Variants in SOX5 observed in about 807,000 individuals in gnomAD.
SOX5 encodes the protein transcription factor SOX-5.
SOX5 carries 9 observed loss-of-function variants against 92.0 expected under a neutral mutation model. That is an observed-to-expected ratio of 0.10 (90% CI 0.06 to 0.17). The LOEUF is 0.17. Among genes scored for constraint, SOX5 ranks in the 10% least tolerant of loss-of-function variants. SOX5 has a pLI of 1.00. For synonymous variants in SOX5, 344 were observed against 336.3 expected (o/e 1.02, Z -0.25); for missense variants, 642 against 944.5 (o/e 0.68, Z 4.20).
chr12:24,291,057 T>C (rs1369049588), intron 2 of SOX5, among the ~76,000 whole-genome samples: 1 of 152,236 alleles, frequency 6.6e-6, no homozygotes, highest in Admixed American at 6.5e-5. Context: ...CAATAGGCAG[T>C]ACTCAGTATT....
intron 1 of SOX5, among the ~76,000 whole-genome samples, chr12:24,408,129 G>T (rs1330868277): frequency 6.6e-6 from 1 of 152,126 alleles, no homozygotes; most frequent in Non-Finnish European, 1.5e-5. Context: ...TGCTAAGCGT[G>T]TCCAGGAACA....
chr12:24,325,253 C>T (rs936429936), intron 2 of SOX5, among the ~76,000 whole-genome samples: 5 of 152,022 alleles, frequency 3.3e-5, no homozygotes, highest in Admixed American at 2.0e-4. Context: ...AGTAGGCTTT[C>T]AGTTGGGCTG....
chr12:23,830,486 G>A (rs2096297860), intron 3 of SOX5, among the ~76,000 whole-genome samples: 2 of 152,264 alleles, frequency 1.3e-5, no homozygotes, highest in South Asian at 4.1e-4. Context: ...ACCCTTGTTT[G>A]TCCTTCAGTG....
chr12:24,025,818 T>C (rs1592450023), intron 4 of SOX5, among the ~76,000 whole-genome samples: 1 of 152,108 alleles, frequency 6.6e-6, no homozygotes, highest in East Asian at 1.9e-4. Flanking sequence ...GACCATCCAA[T>C]GTTCCTCTGA....
rs1185346134 is a variant in SOX5 at position 24,393,167 on chromosome 12, GC to G, written c.-250-24529del. The stretch of plus-strand genomic sequence containing the variant: ...AAAAATACAGCAAAATTAGAAGCTG[GC>G]AAAAAAACAAACCCACTGCCTGGGG... On this transcript the variant is annotated intron_variant, in intron 1 of 4. Coordinates refer to the SOX5 transcript ENST00000446891. This position sits in a 1 kb window ranked among gnomAD's most constrained non-coding sequence, Gnocchi z 5.0. Among the ~76,000 whole-genome samples the G allele has an allele frequency of 5.5e-5, 7 of 126,332 alleles. No homozygotes were observed. The highest frequency in any genetic ancestry group is 2.7e-4 in the African/African-American group (7 of 26,394). The allele number at this position is 126,332 out of a possible 152,430, so 82.9% of individuals were successfully genotyped here.
intron 4 of SOX5, among the ~76,000 whole-genome samples, chr12:24,118,757 A>C (rs147147576): frequency 1.3e-5 from 2 of 152,278 alleles, no homozygotes; most frequent in Middle Eastern, 3.4e-3. Context: ...TTACTGTGTC[A>C]AGAAGAATAA....
chr12:24,112,993 A>G (rs923970033), intron 4 of SOX5, among the ~76,000 whole-genome samples: 1 of 151,944 alleles, frequency 6.6e-6, no homozygotes, highest in Non-Finnish European at 1.5e-5. Flanking sequence ...CTGGTTCCCA[A>G]CCATATCAGA....
chr12:23,946,995 A>G (rs1944695857), intron 1 of SOX5, among the ~76,000 whole-genome samples: 1 of 151,948 alleles, frequency 6.6e-6, no homozygotes, highest in African/African-American at 2.4e-5. Flanking sequence ...ATTTCTAGGG[A>G]TGATAATATA....
intron 3 of SOX5, among the ~76,000 whole-genome samples, chr12:23,832,299 G>A (rs2096339779): frequency 6.6e-6 from 1 of 151,890 alleles, no homozygotes; most frequent in Non-Finnish European, 1.5e-5. Flanking sequence ...TTTATTTGGG[G>A]AAATGTATAT....
At chr12:24,285,161 A>C (rs1415028044) in intron 2 of SOX5, among the ~76,000 whole-genome samples, 1 of 152,220 alleles carries the variant, frequency 6.6e-6, no homozygotes, top group East Asian at 1.9e-4. Flanking sequence ...AAAAATAATC[A>C]GAGTGGCTTC....
intron 11 of SOX5, among the ~76,000 whole-genome samples, chr12:23,554,785 T>C (rs1944827011): frequency 6.6e-6 from 1 of 152,194 alleles, no homozygotes; most frequent in Non-Finnish European, 1.5e-5. Context: ...CCTATTTTCC[T>C]AATAATAGTT....
chr12:23,805,446 T>A (rs778609079), intron 3 of SOX5, among the ~76,000 whole-genome samples: 2 of 152,008 alleles, frequency 1.3e-5, no homozygotes, highest in African/African-American at 4.8e-5. Context: ...AAAAAACATA[T>A]GCTCAATAAA....
chr12:24,050,631 G>C (rs986058878), intron 4 of SOX5, among the ~76,000 whole-genome samples: 1 of 152,048 alleles, frequency 6.6e-6, no homozygotes, highest in African/African-American at 2.4e-5. Context: ...CCCAAAAGAG[G>C]TAATGTCTAG....
intron 4 of SOX5, among the ~76,000 whole-genome samples, chr12:24,188,912 G>A (rs1345737216): frequency 6.6e-6 from 1 of 152,196 alleles, no homozygotes; most frequent in Non-Finnish European, 1.5e-5. Flanking sequence ...AAGCAGTTGT[G>A]TAGTTATGGA....
At chr12:23,809,887 G>T (rs2095847789) in intron 3 of SOX5, among the ~76,000 whole-genome samples, 1 of 149,916 alleles carries the variant, frequency 6.7e-6, no homozygotes, top group Admixed American at 6.7e-5. Flanking sequence ...TAATGAAATA[G>T]ATCCCAAGTA....
At chr12:24,506,897 TCTC>T (rs1948834720) in intron 1 of SOX5, among the ~76,000 whole-genome samples, 1 of 144,428 alleles carries the variant, frequency 6.9e-6, no homozygotes, top group South Asian at 2.2e-4. Flanking sequence ...TTCACACCAT[TCTC>T]CTGCCTCAGC....
chr12:23,895,927 C>A lies in SOX5; in HGVS notation c.136G>T (p.Gly46Trp). The change falls in exon 2 of 15, where the codon GGG (glycine) becomes TGG (tryptophan). Residue 46 changes from glycine to tryptophan, a missense_variant. Around this residue, in one of 8 missense-constraint regions of SOX5, gnomAD observed 113 missense variants for 117.7 expected, o/e 0.96. Transcript: ENST00000451604. Reference sequence around the variant, plus strand: ...AAGGGAAGGTGAAAGGCTGGGAGCCCGTCACTCTCCTCTTCTTCCACTTTC... The same window carrying A: ...AAGGGAAGGTGAAAGGCTGGGAGCCAGTCACTCTCCTCTTCTTCCACTTTC... ...RQKVEEEESD[G>W]LPAFHLPLHV... 6.2e-7 allele frequency: 1 copy of A among 1,613,824 alleles called. No homozygotes were observed. Among genetic ancestry groups the A allele is most frequent in the Non-Finnish European group, 8.5e-7 (1 of 1,179,740 alleles).
At chr12:23,765,954 C>T (rs943477851) in intron 3 of SOX5, among the ~76,000 whole-genome samples, 3 of 152,128 alleles carry the variant, frequency 2.0e-5, no homozygotes, top group South Asian at 2.1e-4. Context: ...GGAAGATACA[C>T]CAATTGTGAC....
chr12:24,401,354 GGGAAA>G (rs1961541460), intron 1 of SOX5, among the ~76,000 whole-genome samples: 1 of 29,152 alleles, frequency 3.4e-5, no homozygotes, highest in Admixed American at 2.3e-4. Flanking sequence ...TCCATCTCAG[GGGAAA>G]AAAAAAAAAA....
Sources: allele counts gnomAD v4.1 joint callset (sites outside exome capture counted in the v4.1 genomes callset), GRCh38; gene constraint gnomAD v4.1.1; regional missense constraint gnomAD v4.1.1; non-coding constraint Gnocchi (gnomAD v3.1); transcripts MANE v1.5; gene names NCBI Gene and HGNC (gene_info 2026-07-23, HGNC 2026-07-21).